FOXP1: variants seen among roughly 807,000 people sequenced by gnomAD.
FOXP1 encodes the protein forkhead box P1.
In FOXP1, 15 loss-of-function variants were observed where a neutral mutation model predicts 98.2. That is an observed-to-expected ratio of 0.15 (90% CI 0.10 to 0.24). FOXP1 has a LOEUF of 0.24. FOXP1 is among the 10% of genes least tolerant of loss of function. The pLI, the probability that FOXP1 is intolerant of heterozygous loss-of-function variation, is 1.00. For synonymous variants in FOXP1, 371 were observed against 314.5 expected, an observed-to-expected ratio of 1.18 and a Z score of -1.90; for missense variants, 633 against 848.5, an observed-to-expected ratio of 0.75 and a Z score of 3.15.
chr3:71,494,043 C>T (rs573056826), intron 2 of FOXP1, among the ~76,000 whole-genome samples: 21 of 151,934 alleles, frequency 1.4e-4, no homozygotes, highest in African/African-American at 5.1e-4. Context: ...TTTTTTTCTC[C>T]AAAATAATTC....
At chr3:71,014,833 C>T (rs1017125538) in intron 12 of FOXP1, among the ~76,000 whole-genome samples, 3 of 152,156 alleles carry the variant, frequency 2.0e-5, no homozygotes, top group Non-Finnish European at 2.9e-5. Context: ...GAGTTCATGT[C>T]CTCTGTAGGG....
intron 11 of FOXP1, among the ~76,000 whole-genome samples, chr3:71,028,482 G>C (rs957813589): frequency 1.3e-5 from 2 of 152,214 alleles, no homozygotes; most frequent in Admixed American, 1.3e-4. Flanking sequence ...TCTGAGGCAA[G>C]CTAAAGATTG....
Position 71,182,580 on chromosome 3 carries a change from C to T in FOXP1, c.180+15622G>A, listed in dbSNP as rs542393333. Among the ~76,000 whole-genome samples the T allele has an allele frequency of 5.1e-4, 68 of 133,380 alleles. 2 individuals carry two copies. The South Asian group carries it at 0.015, about 30-fold the overall frequency. The allele number at this position is 133,380 out of a possible 152,430, so 87.5% of individuals were successfully genotyped here. On this transcript the variant is annotated intron_variant, in intron 6 of 20. Transcript: ENST00000649528. ...TTTTTTTTTTTAGTAGAGACAGGGT[C>T]TTGCTGTCACCAGTCATGGCTCACT...
intron 19 of FOXP1, chr3:70,969,935 T>G (rs1041670146): frequency 1.3e-5 from 2 of 152,292 alleles, no homozygotes; most frequent in African/African-American, 4.8e-5. Context: ...GAGGGGGGAC[T>G]TGAGTACTAC....
intron 3 of FOXP1, among the ~76,000 whole-genome samples, chr3:71,398,257 G>A (rs2081692761): frequency 6.6e-6 from 1 of 152,182 alleles, no homozygotes; most frequent in Non-Finnish European, 1.5e-5. Flanking sequence ...TATGTCAACA[G>A]TGCTTAAGTA....
chr3:70,961,768 A>C (rs927972875), intron 20 of FOXP1, among the ~76,000 whole-genome samples: 3 of 152,184 alleles, frequency 2.0e-5, no homozygotes, highest in African/African-American at 7.2e-5. Flanking sequence ...AATGGCATTA[A>C]AGCAAGTACA....
At chr3:71,572,663 C>G (rs1163558820) in intron 2 of FOXP1, 1 of 152,070 alleles carries the variant, frequency 6.6e-6, no homozygotes, top group African/African-American at 2.4e-5. Flanking sequence ...TGAAAACCAC[C>G]CAGCTGCGAA....
chr3:71,566,587 C>T (rs182636746), intron 2 of FOXP1, among the ~76,000 whole-genome samples: 2 of 152,288 alleles, frequency 1.3e-5, no homozygotes, highest in Non-Finnish European at 2.9e-5. Flanking sequence ...AATGCTCTGA[C>T]GTTCAAAATC....
At chr3:71,295,304 T>C (rs1297443173) in intron 5 of FOXP1, among the ~76,000 whole-genome samples, 1 of 152,210 alleles carries the variant, frequency 6.6e-6, no homozygotes, top group Non-Finnish European at 1.5e-5. Context: ...GCTGTGTCAT[T>C]AGGTAAATGT....
intron 4 of FOXP1, among the ~76,000 whole-genome samples, chr3:71,346,297 T>G (rs185962568): frequency 2.0e-4 from 31 of 152,338 alleles, no homozygotes; most frequent in Admixed American, 1.9e-3. Flanking sequence ...AAAGGTTGTG[T>G]GACTGGAGCC....
intron 3 of FOXP1, among the ~76,000 whole-genome samples, chr3:71,416,603 A>T (rs2083245072): frequency 6.6e-6 from 1 of 150,708 alleles, no homozygotes; most frequent in Non-Finnish European, 1.5e-5. Flanking sequence ...CGCAAAAAAA[A>T]ATGACGTATG....
chr3:71,109,565 CTGTTAAGA>C (rs1297459208), intron 7 of FOXP1, among the ~76,000 whole-genome samples: 4 of 152,120 alleles, frequency 2.6e-5, no homozygotes, highest in Non-Finnish European at 4.4e-5. Flanking sequence ...GAGATGAGCA[CTGTTAAGA>C]TTTGCTGTAG....
At chr3:71,406,839 A>C (rs955677767) in intron 3 of FOXP1, among the ~76,000 whole-genome samples, 1 of 152,148 alleles carries the variant, frequency 6.6e-6, no homozygotes, top group African/African-American at 2.4e-5. Flanking sequence ...AGTGGGTCTC[A>C]GTATACAAGC....
chr3:71,111,215 G>A (rs956951743), intron 7 of FOXP1, among the ~76,000 whole-genome samples: 10 of 152,084 alleles, frequency 6.6e-5, no homozygotes, highest in Admixed American at 2.0e-4. Flanking sequence ...ATCAGCTACC[G>A]CTTATAGATT....
At position 71,271,525 on chromosome 3, in the gene FOXP1, A is replaced by G. The variant is rs112134114; in HGVS notation, c.-12+28295T>C. 1.1e-3 allele frequency among the ~76,000 whole-genome samples: 175 copies of G among 152,344 alleles called. 1 individual carries two copies. Among genetic ancestry groups the G allele is most frequent in the Non-Finnish European group, 2.0e-3 (135 of 68,032 alleles). ...AAGCTGTCAATCTAGACAGACATCCAAACACCTATTCATCCACTCCAGAGC... is the reference window on the plus strand; with the variant it reads ...AAGCTGTCAATCTAGACAGACATCCGAACACCTATTCATCCACTCCAGAGC... On this transcript the variant is annotated intron_variant, in intron 5 of 20. Coordinates refer to ENST00000649528, the MANE Select transcript of FOXP1 (RefSeq NM_001349338.3).
At chr3:71,309,630 C>T (rs2074544707) in intron 4 of FOXP1, among the ~76,000 whole-genome samples, 1 of 152,182 alleles carries the variant, frequency 6.6e-6, no homozygotes, top group African/African-American at 2.4e-5. Context: ...GCCACAAAAC[C>T]AAATGGCTTC....
chr3:71,563,097 G>A (rs866575256), intron 2 of FOXP1, among the ~76,000 whole-genome samples: 1 of 152,204 alleles, frequency 6.6e-6, no homozygotes, highest in Non-Finnish European at 1.5e-5. Context: ...CTGCAGAGGG[G>A]TGTGTGTATG....
At chr3:71,134,710 G>A in intron 6 of FOXP1, among the ~76,000 whole-genome samples, 1 of 152,100 alleles carries the variant, frequency 6.6e-6, no homozygotes, top group East Asian at 1.9e-4. Flanking sequence ...CTGCTGCTCT[G>A]CCAAGTTATG....
In FOXP1 at chr3:71,468,361, C is replaced by A. The variant is rs2088986452; in HGVS notation, c.-168+25065G>T. ...TGATTGACGTGAAGGTGAAGGACCC[C>A]AACATTTCTCCTTGGTGTGACTGTC... On this transcript the variant is annotated intron_variant, in intron 3 of 20. Coordinates refer to ENST00000649528, the MANE Select transcript of FOXP1 (RefSeq NM_001349338.3). Among the ~76,000 whole-genome samples, 3 of 152,078 alleles carry A rather than the reference C, an allele frequency of 2.0e-5. No homozygotes were observed. The South Asian group carries it at 6.2e-4, about 32-fold the overall frequency.
Sources: allele counts gnomAD v4.1 joint callset (sites outside exome capture counted in the v4.1 genomes callset), GRCh38; gene constraint gnomAD v4.1.1; transcripts MANE v1.5; gene names NCBI Gene and HGNC (gene_info 2026-07-23, HGNC 2026-07-21).